The following SPTBN4 variants were observed in gnomAD, a reference collection of about 807,000 sequenced individuals.
The protein encoded by SPTBN4 is spectrin beta, non-erythrocytic 4.
A neutral mutation model predicts 277.8 loss-of-function variants in SPTBN4; 96 were observed. The observed-to-expected ratio is 0.35, with a 90% CI of 0.29 to 0.41. The LOEUF (loss-of-function observed/expected upper bound fraction) is 0.41. Ranked by LOEUF, SPTBN4 falls within the 10% of genes least tolerant of loss-of-function variation. The pLI is 1.00. For missense variants in SPTBN4, 3,006 were observed against 3,595.7 expected, an observed-to-expected ratio of 0.84 and a Z score of 4.19; for synonymous variants, 1,481 against 1,580.3, an observed-to-expected ratio of 0.94 and a Z score of 1.49.
Position 40,576,340 on chromosome 19 carries a change from CG to C in SPTBN4, c.*776del. The C allele has an allele frequency of 6.5e-6, 1 of 152,850 alleles. No homozygotes were observed. The highest frequency in any genetic ancestry group is 1.5e-5 in the Non-Finnish European group (1 of 68,206). 9.5% of individuals were successfully genotyped at this position (152,850 alleles called of 1,614,324 possible). ...TGGCTGGAGCACCTCCCTGGGGAGT[CG>C]GGGGATTGGGTTGTGGGCAGTCCCC... On this transcript the variant is annotated 3_prime_UTR_variant, in exon 36 of 36. Transcript: ENST00000598249.
At chr19:40,529,278 G>T in intron 18 of SPTBN4, 147 bp downstream of exon 18, 1 of 708,402 alleles carries the variant, frequency 1.4e-6, no homozygotes, top group Non-Finnish European at 2.3e-6. Context: ...GCGCGGAGCC[G>T]GGTCTCAGTG....
Position 40,550,300 on chromosome 19 carries a change from G to C in SPTBN4, c.4647G>C (p.Ala1549=). The C allele has an allele frequency of 1.9e-6, 3 of 1,611,102 alleles. No homozygotes were observed. The highest frequency in any genetic ancestry group is 2.5e-6 in the Non-Finnish European group (3 of 1,180,006). The change falls in exon 22 of 36, where the codon GCG becomes GCC. Residue 1549 remains alanine (A), a synonymous_variant. Transcript: ENST00000598249. ...MQTERGNGLQ[A]VQQHIKKNQG... is the part of the protein sequence containing the mutation. ...CAGAGCGAGGCAACGGTTTGCAGGC[G>C]GTCCAGCAGCACATCAAAAAGAACC...
chr19:40,520,786 T>C (rs1377769365), intron 16 of SPTBN4, among the ~76,000 whole-genome samples: 1 of 152,178 alleles, frequency 6.6e-6, no homozygotes, highest in African/African-American at 2.4e-5. Flanking sequence ...GGAACCAAGT[T>C]TGAGAATTTT....
chr19:40,519,319 G>A lies in SPTBN4; in HGVS notation c.2904-82G>A. 1 of 1,370,840 alleles carries A rather than the reference G, an allele frequency of 7.3e-7. No homozygotes were observed. The highest frequency in any genetic ancestry group is 1.7e-5 in the South Asian group (1 of 58,776). The allele number at this position is 1,370,840 out of a possible 1,614,324, so 84.9% of individuals were successfully genotyped here. The stretch of plus-strand genomic sequence containing the variant: ...CACAGTGGCTGGGTGGCTTGGGCCT[G>A]GATTCTACCCTGGGTCGGCGGGCCC... On this transcript the variant is annotated intron_variant, in intron 15 of 35. Transcript: ENST00000598249. This position sits in a 1 kb window ranked among gnomAD's most constrained non-coding sequence, Gnocchi z 5.7.
Position 40,554,096 on chromosome 19 carries a change from G to A in SPTBN4, c.4675-51G>A. On this transcript the variant is annotated intron_variant, in intron 22 of 35. Coordinates refer to ENST00000598249, the MANE Select transcript of SPTBN4 (RefSeq NM_020971.3). This position sits in a 1 kb window ranked among gnomAD's most constrained non-coding sequence, Gnocchi z 5.7. ...AGCAGAGGAGCGTGTGGTCTTGCAG[G>A]GCCTCGGAACGCCCCCTCTCCACCC... The A allele has an allele frequency of 1.4e-6, 2 of 1,394,482 alleles. No homozygotes were observed. Among genetic ancestry groups the A allele is most frequent in the Admixed American group, 3.5e-5 (1 of 28,726 alleles). The allele number at this position is 1,394,482 out of a possible 1,614,324, so 86.4% of individuals were successfully genotyped here. A position where few individuals can be genotyped will look rare whatever the true frequency, so the allele number is the denominator to read the frequency against.
chr19:40,468,510 G>A (rs1043367336), intron 1 of SPTBN4, among the ~76,000 whole-genome samples: 13 of 152,214 alleles, frequency 8.5e-5, no homozygotes, highest in African/African-American at 2.4e-4. Flanking sequence ...CCAAGTAACT[G>A]GGACTACAGA....
At chr19:40,520,495 A>G (rs1288952965) in intron 16 of SPTBN4, among the ~76,000 whole-genome samples, 1 of 152,186 alleles carries the variant, frequency 6.6e-6, no homozygotes, top group African/African-American at 2.4e-5. Flanking sequence ...AAATAAGACT[A>G]TGAGGTTGAT....
At position 40,513,405 on chromosome 19, in the gene SPTBN4, G is replaced by T; in HGVS notation, c.2616G>T (p.Leu872=). The T allele has an allele frequency of 6.2e-7, 1 of 1,605,484 alleles. No individual in the cohort carries two copies. The highest frequency in any genetic ancestry group is 8.5e-7 in the Non-Finnish European group (1 of 1,177,630). Residue 872 remains leucine (L), a synonymous_variant, in exon 14 of 36, where the codon CTG becomes CTT. Coordinates refer to ENST00000598249, the MANE Select transcript of SPTBN4 (RefSeq NM_020971.3). ...CTGAGGTGACCGAAGTGGCGGCGCT[G>T]AGGCGCCAGTGGCTGCGGGACGCGC... ...LFAEVTEVAA[L]RRQWLRDALA... is the part of the protein sequence containing the mutation.
At chr19:40,475,586 C>T (rs910273213) in intron 2 of SPTBN4, among the ~76,000 whole-genome samples, 2 of 151,904 alleles carry the variant, frequency 1.3e-5, no homozygotes, top group Non-Finnish European at 2.9e-5. Context: ...TCGGGAGTCC[C>T]GAGTAGCTGG....
chr19:40,469,942 C>T (rs1252204125), intron 1 of SPTBN4, among the ~76,000 whole-genome samples: 2 of 151,856 alleles, frequency 1.3e-5, no homozygotes, highest in East Asian at 3.9e-4. Context: ...CTGTGCCCGG[C>T]CAATTTCTTC....
chr19:40,482,259 T>C (rs1232116667), intron 2 of SPTBN4, among the ~76,000 whole-genome samples: 1 of 150,620 alleles, frequency 6.6e-6, no homozygotes, highest in Admixed American at 6.6e-5. Context: ...TTTTATACAA[T>C]GGGGTCTGGC....
intron 20 of SPTBN4, among the ~76,000 whole-genome samples, chr19:40,535,188 T>G (rs1324305454): frequency 6.6e-6 from 1 of 152,182 alleles, no homozygotes; most frequent in African/African-American, 2.4e-5. Context: ...TCCAAGTAGC[T>G]GAGACCACAA....
intron 24 of SPTBN4, 72 bp from the exon 25 acceptor site, chr19:40,556,012 G>A: frequency 7.3e-7 from 1 of 1,375,344 alleles, no homozygotes; most frequent in Non-Finnish European, 9.9e-7. Flanking sequence ...CCTGGGGAGG[G>A]GGTTTAGGGG....
chr19:40,546,049 C>CAAAAA (rs35750238), intron 20 of SPTBN4, among the ~76,000 whole-genome samples: 3 of 91,790 alleles, frequency 3.3e-5, no homozygotes, highest in Non-Finnish European at 2.1e-5. Context: ...GACTCTGCCT[C>CAAAAA]AAAAAAAAAA....
In SPTBN4 at chr19:40,534,377, A is replaced by G. The variant is rs202114247; in HGVS notation, c.4359+34A>G. The G allele has an allele frequency of 7.5e-6, 12 of 1,602,394 alleles. No homozygotes were observed. The East Asian group carries it at 1.3e-4, about 18-fold the overall frequency. ...TTCCTGGCCCAGATGAGGGCTCCCTATGCCACATGGGGGCCAGGTCAGGGT... is the reference window on the plus strand; with the variant it reads ...TTCCTGGCCCAGATGAGGGCTCCCTGTGCCACATGGGGGCCAGGTCAGGGT... On this transcript the variant is annotated intron_variant, in intron 20 of 35. Coordinates refer to ENST00000598249, the MANE Select transcript of SPTBN4 (RefSeq NM_020971.3).
chr19:40,491,848 C>A (rs918529414), intron 4 of SPTBN4, among the ~76,000 whole-genome samples: 6 of 149,676 alleles, frequency 4.0e-5, no homozygotes, highest in Admixed American at 1.3e-4. Flanking sequence ...CATGGAGAAA[C>A]CCTATCTCTA....
intron 13 of SPTBN4, among the ~76,000 whole-genome samples, chr19:40,506,784 C>T (rs1363478366): frequency 6.6e-6 from 1 of 151,902 alleles, no homozygotes; most frequent in Non-Finnish European, 1.5e-5. Context: ...TCAAGACCAG[C>T]CTGGCCAACA....
intron 1 of SPTBN4, among the ~76,000 whole-genome samples, chr19:40,471,831 C>T (rs902911184): frequency 6.6e-6 from 1 of 151,770 alleles, no homozygotes; most frequent in Non-Finnish European, 1.5e-5. Flanking sequence ...CTCCACTTCA[C>T]AGGCTCAAGC....
intron 30 of SPTBN4, chr19:40,566,987 C>CAAAAAAAAAAAAAAAAA (rs201200184): frequency 4.1e-6 from 1 of 243,796 alleles, no homozygotes. Flanking sequence ...AAAAAAACAA[C>CAAAAAAAAAAAAAAAAA]AAAAAAAAAC....
Sources: gnomAD v4.1 joint callset for allele counts (sites outside exome capture counted in the v4.1 genomes callset) on GRCh38, gnomAD v4.1.1 for gene constraint, Gnocchi (gnomAD v3.1) non-coding constraint, MANE v1.5 for transcripts, NCBI Gene and HGNC (gene_info 2026-07-23, HGNC 2026-07-21) for gene names.